Variants in UBE2G1 observed in about 807,000 individuals in gnomAD.
The protein encoded by UBE2G1 is ubiquitin-conjugating enzyme E2 G1.
In UBE2G1, 5 loss-of-function variants were observed where a neutral mutation model predicts 22.7. The observed-to-expected ratio is 0.22, with a 90% CI of 0.12 to 0.46. The LOEUF (loss-of-function observed/expected upper bound fraction) is 0.46. Among genes scored for constraint, UBE2G1 ranks in the 20% least tolerant of loss-of-function variants. The pLI, the probability that UBE2G1 is intolerant of heterozygous loss-of-function variation, is 0.99. For synonymous variants in UBE2G1, 74 were observed against 67.5 expected, an observed-to-expected ratio of 1.10 and a Z score of -0.47; for missense variants, 88 against 203.9, an observed-to-expected ratio of 0.43 and a Z score of 3.46.
chr17:4,322,567 A>G (rs950648829), intron 1 of UBE2G1, among the ~76,000 whole-genome samples: 4 of 152,232 alleles, frequency 2.6e-5, no homozygotes, highest in Admixed American at 2.0e-4. Flanking sequence ...GGCATCTTGT[A>G]CATGATCTTC....
At chr17:4,277,377 A>G (rs184656290) in intron 5 of UBE2G1, among the ~76,000 whole-genome samples, 343 of 152,340 alleles carry the variant, frequency 2.3e-3, no homozygotes, top group African/African-American at 7.8e-3. Context: ...ACGTAGCAAT[A>G]AAGAACCAAT....
intron 1 of UBE2G1, among the ~76,000 whole-genome samples, chr17:4,312,402 C>CA (rs1969320141): frequency 6.6e-6 from 1 of 151,958 alleles, no homozygotes; most frequent in Non-Finnish European, 1.5e-5. Flanking sequence ...AACTGAGAAA[C>CA]AAAAAACAGG....
chr17:4,276,071 C>G (rs542641824), intron 5 of UBE2G1, among the ~76,000 whole-genome samples: 1 of 152,330 alleles, frequency 6.6e-6, no homozygotes, highest in Admixed American at 6.5e-5. Flanking sequence ...CTGCTCTCTA[C>G]ACCAAACAGA....
chr17:4,295,119 G>A (rs1969093663), intron 3 of UBE2G1, among the ~76,000 whole-genome samples: 1 of 152,122 alleles, frequency 6.6e-6, no homozygotes, highest in South Asian at 2.1e-4. Context: ...TTCGAAATAG[G>A]TGCAAAACGA....
At position 4,269,648 on chromosome 17, in the gene UBE2G1, C is replaced by A. The variant is rs1045738; in HGVS notation, c.*2906G>T. ...ACAAACATGTTACCTTAGTATGACA[C>A]GTCAACCTCATATGGATTTTAAACT... On this transcript the variant is annotated 3_prime_UTR_variant, in exon 6 of 6. Coordinates refer to ENST00000396981, the MANE Select transcript of UBE2G1 (RefSeq NM_003342.5). 0.58 allele frequency: 107,854 copies of A among 185,976 alleles called. 33,213 individuals carry two copies. Among genetic ancestry groups the A allele is most frequent in the East Asian group, 0.82 (4,224 of 5,166 alleles). 11.5% of individuals were successfully genotyped at this position (185,976 alleles called of 1,614,324 possible).
At chr17:4,309,447 C>T (rs888899392) in intron 1 of UBE2G1, among the ~76,000 whole-genome samples, 7 of 152,106 alleles carry the variant, frequency 4.6e-5, no homozygotes, top group Admixed American at 3.9e-4. Context: ...ATCTAAAATA[C>T]TTTTTAAAGA....
At chr17:4,363,350 A>T (rs774719277) in intron 1 of UBE2G1, among the ~76,000 whole-genome samples, 3 of 152,194 alleles carry the variant, frequency 2.0e-5, no homozygotes, top group Non-Finnish European at 2.9e-5. Flanking sequence ...AAGTAACTTT[A>T]CAATGAGGCC....
intron 1 of UBE2G1, among the ~76,000 whole-genome samples, chr17:4,362,221 C>T (rs1001221369): frequency 2.6e-5 from 4 of 152,090 alleles, no homozygotes; most frequent in Admixed American, 2.0e-4. Flanking sequence ...CTAATAATAT[C>T]CACAGAGAAA....
At chr17:4,343,887 T>G (rs899191160) in intron 1 of UBE2G1, among the ~76,000 whole-genome samples, 1 of 151,974 alleles carries the variant, frequency 6.6e-6, no homozygotes, top group African/African-American at 2.4e-5. Context: ...GCGCCCAGCC[T>G]CAAACCTTTT....
At chr17:4,276,287 G>C (rs867398581) in intron 5 of UBE2G1, among the ~76,000 whole-genome samples, 1 of 151,928 alleles carries the variant, frequency 6.6e-6, no homozygotes, top group Non-Finnish European at 1.5e-5. Context: ...TGATTCTCCT[G>C]CCTCAGCCTC....
rs1028409730 is a variant in UBE2G1, at chr17:4,270,338, C to G, written c.*2216G>C. ...ACTCCGTTTTGCCACAAGCAACCAC[C>G]ATGTGAACAAGTTCTGATTTTAAAA... On this transcript the variant is annotated 3_prime_UTR_variant, in exon 6 of 6. Transcript: ENST00000396981. The G allele has an allele frequency of 6.6e-6, 1 of 152,378 alleles. No homozygotes were observed. The highest frequency in any genetic ancestry group is 1.5e-5 in the Non-Finnish European group (1 of 68,024). 9.4% of individuals were successfully genotyped at this position (152,378 alleles called of 1,614,324 possible). A position where few individuals can be genotyped will look rare whatever the true frequency, so the allele number is the denominator to read the frequency against.
chr17:4,308,610 T>C (rs1177787440), intron 1 of UBE2G1, among the ~76,000 whole-genome samples: 1 of 152,204 alleles, frequency 6.6e-6, no homozygotes, highest in African/African-American at 2.4e-5. Flanking sequence ...CAATAGTGAA[T>C]GCATGTATCA....
At chr17:4,300,313 C>T (rs963750648) in intron 2 of UBE2G1, among the ~76,000 whole-genome samples, 5 of 151,952 alleles carry the variant, frequency 3.3e-5, no homozygotes, top group Admixed American at 1.3e-4. Context: ...GAGGCTGAGG[C>T]GGGCGGATCA....
chr17:4,355,283 G>A (rs962010676), intron 1 of UBE2G1, among the ~76,000 whole-genome samples: 2 of 151,188 alleles, frequency 1.3e-5, no homozygotes, highest in African/African-American at 4.9e-5. Context: ...GATTACAGGC[G>A]TGAGTCACTC....
chr17:4,305,878 A>AT (rs1969243841), intron 2 of UBE2G1, among the ~76,000 whole-genome samples: 1 of 152,172 alleles, frequency 6.6e-6, no homozygotes, highest in Admixed American at 6.5e-5. Context: ...ATACTAGTAA[A>AT]TTTAAGTTAG....
chr17:4,344,268 C>T (rs140263407), intron 1 of UBE2G1, among the ~76,000 whole-genome samples: 5,408 of 152,206 alleles, frequency 0.036, 283 homozygotes, highest in African/African-American at 0.11. Flanking sequence ...CGGCCGGGCG[C>T]GGTGGCTCGC....
chr17:4,296,944 C>T (rs1040042652), intron 2 of UBE2G1, 130 bp from the exon 3 acceptor site: 9 of 728,990 alleles, frequency 1.2e-5, no homozygotes, highest in African/African-American at 5.4e-5. Flanking sequence ...AATCTGGATT[C>T]CCACAGGCAG....
At chr17:4,294,904 G>GA (rs776957415) in intron 3 of UBE2G1, among the ~76,000 whole-genome samples, 6 of 150,170 alleles carry the variant, frequency 4.0e-5, no homozygotes, top group African/African-American at 1.5e-4. Context: ...CCCTGTCTTA[G>GA]AAAAAAAGGA....
At chr17:4,281,880 AAAG>A (rs1968896516) in intron 5 of UBE2G1, among the ~76,000 whole-genome samples, 1 of 152,170 alleles carries the variant, frequency 6.6e-6, no homozygotes, top group Non-Finnish European at 1.5e-5. Flanking sequence ...TTTAATTTTA[AAAG>A]AAGAGACCAA....
Sources: gnomAD v4.1 joint callset for allele counts (sites outside exome capture counted in the v4.1 genomes callset) on GRCh38, gnomAD v4.1.1 for gene constraint, MANE v1.5 for transcripts, NCBI Gene and HGNC (gene_info 2026-07-23, HGNC 2026-07-21) for gene names.